ROR2: variants seen among roughly 807,000 people sequenced by gnomAD.
The protein encoded by ROR2 is ROR family WNT receptor 2.
Under a neutral mutation model 74.9 loss-of-function variants are expected in ROR2, and 33 were observed. The ratio of observed to expected loss-of-function variants is 0.44; its 90% CI spans 0.33 to 0.59. ROR2 has a LOEUF of 0.59. Among genes scored for constraint, ROR2 ranks in the 20% least tolerant of loss-of-function variants. The pLI, the probability that ROR2 is intolerant of heterozygous loss-of-function variation, is 0.02. For missense variants in ROR2, 1,216 were observed against 1,313.8 expected, an observed-to-expected ratio of 0.93 and a Z score of 1.15; for synonymous variants, 586 against 558.7, an observed-to-expected ratio of 1.05 and a Z score of -0.69.
At chr9:91,873,229 A>C (rs1193621587) in intron 1 of ROR2, among the ~76,000 whole-genome samples, 1 of 152,146 alleles carries the variant, frequency 6.6e-6, no homozygotes, top group Non-Finnish European at 1.5e-5. Flanking sequence ...GCCTGTGTGC[A>C]TCGGGCCCAT....
At chr9:91,761,565 C>T (rs369034526) in intron 2 of ROR2, among the ~76,000 whole-genome samples, 4 of 152,078 alleles carry the variant, frequency 2.6e-5, no homozygotes, top group Admixed American at 6.6e-5. Flanking sequence ...CAGGAGGTGG[C>T]GCTCAGGTGG....
At position 91,775,275 on chromosome 9, in the gene ROR2, T is replaced by A. The variant is rs545999851; in HGVS notation, c.175+466A>T. The stretch of plus-strand genomic sequence containing the variant: ...CTGCATCCGGGGGAAACTTGTTCTA[T>A]TGACCCTACAAATCTATGGTGCATT... On this transcript the variant is annotated intron_variant, in intron 2 of 8. Coordinates refer to ENST00000375708, the MANE Select transcript of ROR2 (RefSeq NM_004560.4). 5.3e-5 allele frequency among the ~76,000 whole-genome samples: 8 copies of A among 152,348 alleles called. No individual in the cohort carries two copies. The East Asian group carries it at 1.5e-3, about 29-fold the overall frequency.
In ROR2 at chr9:91,733,346, A is replaced by G. The variant is rs1404383049; in HGVS notation, c.713T>C (p.Leu238Pro). 2.5e-6 allele frequency: 4 copies of G among 1,612,528 alleles called. No individual in the cohort carries two copies. Among genetic ancestry groups the G allele is most frequent in the Non-Finnish European group, 3.4e-6 (4 of 1,179,734 alleles). The change falls in exon 6 of 9, where the codon CTG (leucine) becomes CCG (proline). Residue 238 changes from leucine (L) to proline (P), a missense_variant. Transcript: ENST00000375708. This position sits in a 1 kb window ranked among gnomAD's most constrained non-coding sequence, Gnocchi z 5.7. The stretch of plus-strand genomic sequence containing the variant: ...GGGTGTCCGGGAGCGCGCGTCGCAC[A>G]GAGGAAACACGAAGTGGCAGAAGGA... The part of the protein sequence containing the change: ...IPSFCHFVFP[L>P]CDARSRTPKP...
chr9:91,723,484 C>A lies in ROR2; in HGVS notation c.*178G>T, dbSNP rs1469031635. 2 of 920,040 alleles carry A rather than the reference C, an allele frequency of 2.2e-6. No individual in the cohort carries two copies. Among genetic ancestry groups the A allele is most frequent in the African/African-American group, 1.8e-5 (1 of 55,180 alleles). 57.0% of individuals were successfully genotyped at this position (920,040 alleles called of 1,614,324 possible). A position where few individuals can be genotyped will look rare whatever the true frequency, so the allele number is the denominator to read the frequency against. ...CTGGCTTGGGTGCTCCTAGGCAGGG[C>A]AGCTCTCTGTGTCAGAGGACAGAGA... On this transcript the variant is annotated 3_prime_UTR_variant, in exon 9 of 9. Transcript: ENST00000375708.
intron 1 of ROR2, among the ~76,000 whole-genome samples, chr9:91,930,883 T>C (rs1342596997): frequency 2.0e-5 from 3 of 152,216 alleles, no homozygotes; most frequent in African/African-American, 7.2e-5. Flanking sequence ...AGAATGGATA[T>C]GGCTGGTCAT....
intron 1 of ROR2, among the ~76,000 whole-genome samples, chr9:91,939,248 C>CA (rs751286134): frequency 1.6e-3 from 223 of 142,682 alleles, no homozygotes; most frequent in Middle Eastern, 0.011. Flanking sequence ...GACTCCATCT[C>CA]AAAAAAAAAA....
intron 1 of ROR2, among the ~76,000 whole-genome samples, chr9:91,909,838 G>GTTTTTTT (rs1278227036): frequency 1.6e-4 from 10 of 63,212 alleles, no homozygotes; most frequent in African/African-American, 3.2e-4. Flanking sequence ...TTTTTTTTAG[G>GTTTTTTT]TTTGTTTTGT....
In ROR2 at chr9:91,853,534, A is replaced by C. The variant is rs548725925; in HGVS notation, c.98-77716T>G. ...CCAGCCCTCCACTACACCCTGATCA[A>C]CACAAGAGACTCAGGTGGGTGCAGG... is the stretch of plus-strand genomic sequence containing the variant. On this transcript the variant is annotated intron_variant, in intron 1 of 8. Coordinates refer to ENST00000375708, the MANE Select transcript of ROR2 (RefSeq NM_004560.4). Among the ~76,000 whole-genome samples the C allele has an allele frequency of 3.3e-5, 5 of 152,272 alleles. No individual in the cohort carries two copies. In the South Asian group the frequency reaches 1.0e-3, roughly 32 times the overall value.
rs140349063 is a variant in ROR2, at chr9:91,800,703, G to A, written c.98-24885C>T. On this transcript the variant is annotated intron_variant, in intron 1 of 8. Coordinates refer to ENST00000375708, the MANE Select transcript of ROR2 (RefSeq NM_004560.4). ...CCAGAGCACAGCACGTGGGCATCAC[G>A]CCCACGCACTGCTGTTGTCCTCCCA... Among the ~76,000 whole-genome samples the A allele has an allele frequency of 1.2e-4, 18 of 152,322 alleles. 1 individual carries two copies. The East Asian group carries it at 3.1e-3, about 26-fold the overall frequency.
At chr9:91,764,307 C>G (rs907876545) in intron 2 of ROR2, among the ~76,000 whole-genome samples, 1 of 152,104 alleles carries the variant, frequency 6.6e-6, no homozygotes, top group Non-Finnish European at 1.5e-5. Context: ...TTAGATATAA[C>G]TCTTATAAGT....
chr9:91,862,171 GA>G (rs1053804257), intron 1 of ROR2, among the ~76,000 whole-genome samples: 3 of 151,190 alleles, frequency 2.0e-5, no homozygotes, highest in Admixed American at 6.6e-5. Flanking sequence ...AAAATACAAA[GA>G]AAAAAAAATT....
At chr9:91,898,696 AG>A (rs1830597718) in intron 1 of ROR2, among the ~76,000 whole-genome samples, 1 of 152,230 alleles carries the variant, frequency 6.6e-6, no homozygotes, top group Non-Finnish European at 1.5e-5. Flanking sequence ...CAACTCTCAC[AG>A]GACTTTAAAA....
chr9:91,819,946 G>A (rs1323318285), intron 1 of ROR2, among the ~76,000 whole-genome samples: 6 of 151,934 alleles, frequency 3.9e-5, no homozygotes. Flanking sequence ...GTGCCTCTGA[G>A]TGTGTATGTG....
At chr9:91,744,213 C>CTTTTTTTTTT (rs1167780367) in intron 4 of ROR2, among the ~76,000 whole-genome samples, 11 of 89,080 alleles carry the variant, frequency 1.2e-4, no homozygotes, top group South Asian at 9.4e-4. Context: ...AATTTGTTAA[C>CTTTTTTTTTT]TTTTTTTTTT....
chr9:91,736,175 G>T (rs1825019222), intron 5 of ROR2, among the ~76,000 whole-genome samples: 1 of 152,144 alleles, frequency 6.6e-6, no homozygotes, highest in Non-Finnish European at 1.5e-5. Flanking sequence ...GCTGGAACAG[G>T]ATGGCATCTC....
intron 1 of ROR2, among the ~76,000 whole-genome samples, chr9:91,938,229 T>A (rs1298741979): frequency 3.3e-5 from 5 of 152,186 alleles, no homozygotes. Context: ...GAGGCCAAAG[T>A]GGAGGGATCT....
rs964209587 is a variant in ROR2 at position 91,722,890 on chromosome 9, A to G, written c.*772T>C. 11 of 436,218 alleles carry G rather than the reference A, an allele frequency of 2.5e-5. No homozygotes were observed. The highest frequency in any genetic ancestry group is 2.0e-4 in the African/African-American group (10 of 50,814). 27.0% of individuals were successfully genotyped at this position (436,218 alleles called of 1,614,324 possible). On this transcript the variant is annotated 3_prime_UTR_variant, in exon 9 of 9. Transcript: ENST00000375708. ...ATTTAAGCTCTGTACATGATTCTTAACAAAAATAACAATACCGTGTTCTGT... is the reference window on the plus strand; with the variant it reads ...ATTTAAGCTCTGTACATGATTCTTAGCAAAAATAACAATACCGTGTTCTGT...
chr9:91,779,700 T>A (rs895803858), intron 1 of ROR2, among the ~76,000 whole-genome samples: 6 of 152,216 alleles, frequency 3.9e-5, no homozygotes, highest in African/African-American at 1.4e-4. Context: ...TTCTTAATGA[T>A]GCAATCCCTG....
intron 1 of ROR2, among the ~76,000 whole-genome samples, chr9:91,823,118 G>C (rs1828183429): frequency 6.6e-6 from 1 of 152,184 alleles, no homozygotes; most frequent in African/African-American, 2.4e-5. Flanking sequence ...GGTTTGCAGA[G>C]AGAGAAGCTA....
Sources: allele counts gnomAD v4.1 joint callset (sites outside exome capture counted in the v4.1 genomes callset), GRCh38; gene constraint gnomAD v4.1.1; non-coding constraint Gnocchi (gnomAD v3.1); transcripts MANE v1.5; gene names NCBI Gene and HGNC (gene_info 2026-07-23, HGNC 2026-07-21).